Variants in EYS observed in about 807,000 individuals in gnomAD.
The protein encoded by EYS is EGF-like photoreceptor maintenance factor, also known as protein eyes shut homolog.
Under a neutral mutation model 282.1 loss-of-function variants are expected in EYS, and 250 were observed. That is an observed-to-expected ratio of 0.89 (90% confidence interval 0.80 to 0.98). The LOEUF is 0.98. Ranked by LOEUF, EYS falls within the 50% of genes least tolerant of loss-of-function variation. The pLI, the probability that EYS is intolerant of heterozygous loss-of-function variation, is 0.00. For synonymous variants in EYS, 1,355 were observed against 1,282.9 expected (o/e 1.06, Z -1.20); for missense variants, 4,016 against 3,709.0 (o/e 1.08, Z -2.15).
chr6:63,954,953 C>A (rs1474951850), intron 35 of EYS, among the ~76,000 whole-genome samples: 2 of 152,122 alleles, frequency 1.3e-5, no homozygotes, highest in Non-Finnish European at 1.5e-5. Flanking sequence ...TTCTACTACT[C>A]CTCAGGGATT....
intron 30 of EYS, among the ~76,000 whole-genome samples, chr6:64,241,589 GTATC>G (rs142196768): frequency 0.011 from 1,710 of 151,238 alleles, 31 homozygotes; most frequent in African/African-American, 0.038. Flanking sequence ...ATTTTTTATT[GTATC>G]TATCTATTTT....
chr6:64,747,870 C>A (rs1027385214), intron 22 of EYS, among the ~76,000 whole-genome samples: 1 of 152,156 alleles, frequency 6.6e-6, no homozygotes, highest in Non-Finnish European at 1.5e-5. Context: ...AAAAGGAATA[C>A]ATGATTGGGA....
chr6:64,658,582 C>A (rs1282493275), intron 22 of EYS, among the ~76,000 whole-genome samples: 1 of 152,190 alleles, frequency 6.6e-6, no homozygotes, highest in East Asian at 1.9e-4. Flanking sequence ...AGTCAGGACC[C>A]TCAGCTGGAG....
chr6:65,411,557 A>G (rs1192959316), intron 5 of EYS, among the ~76,000 whole-genome samples: 4 of 111,326 alleles, frequency 3.6e-5, no homozygotes, highest in African/African-American at 1.0e-4. Context: ...GGTAATCACC[A>G]CTATAAAAAT....
chr6:64,439,235 A>T lies in EYS; in HGVS notation c.5762T>A (p.Leu1921Gln). 1 of 1,509,462 alleles carries T rather than the reference A, an allele frequency of 6.6e-7. No homozygotes were observed. Among genetic ancestry groups the T allele is most frequent in the Non-Finnish European group, 8.9e-7 (1 of 1,129,516 alleles). 93.5% of individuals were successfully genotyped at this position (1,509,462 alleles called of 1,614,324 possible). ...TAAATTTGAGTCTTGCTTGACATAC[A>T]GCAGAAGTCCATAGGAGCTGAAGGT... is the stretch of plus-strand genomic sequence containing the variant. ...FQTFSSYGLL[L>Q]YVKQDSNLVD... Residue 1921 changes from leucine (L) to glutamine (Q), a missense_variant, in exon 27 of 43, where the codon CTG (leucine) becomes CAG (glutamine). Physicochemically the swap from Leu to Gln is moderately radical, Grantham distance 113. Coordinates refer to ENST00000503581, the MANE Select transcript of EYS (RefSeq NM_001142800.2).
intron 29 of EYS, among the ~76,000 whole-genome samples, chr6:64,383,653 T>C (rs1231297137): frequency 1.3e-5 from 2 of 152,258 alleles, no homozygotes; most frequent in Admixed American, 6.5e-5. Context: ...AGTGGACCCC[T>C]ATAAATGGCT....
At chr6:64,153,399 C>T (rs190656140) in intron 31 of EYS, among the ~76,000 whole-genome samples, 504 of 152,266 alleles carry the variant, frequency 3.3e-3, no homozygotes, top group Non-Finnish European at 5.4e-3. Context: ...TGGAAGGCCC[C>T]TAGCCCAATT....
chr6:64,843,046 A>C (rs1215460308), intron 19 of EYS, among the ~76,000 whole-genome samples: 1 of 152,102 alleles, frequency 6.6e-6, no homozygotes, highest in Admixed American at 6.6e-5. Flanking sequence ...AGAATGCTAG[A>C]AGGAAAAAAT....
chr6:65,047,170 T>C (rs897853900), intron 13 of EYS, among the ~76,000 whole-genome samples: 3 of 151,802 alleles, frequency 2.0e-5, no homozygotes, highest in African/African-American at 7.3e-5. Flanking sequence ...TAATATACTT[T>C]CCTTGAATTA....
intron 9 of EYS, among the ~76,000 whole-genome samples, chr6:65,345,025 T>C (rs1770341968): frequency 6.6e-6 from 1 of 151,752 alleles, no homozygotes; most frequent in Admixed American, 6.6e-5. Flanking sequence ...GCATCATTTC[T>C]TGGAAAATAG....
chr6:63,775,291 C>T (rs1770037986), intron 40 of EYS, among the ~76,000 whole-genome samples: 1 of 152,182 alleles, frequency 6.6e-6, no homozygotes, highest in African/African-American at 2.4e-5. Flanking sequence ...AAAACAATGC[C>T]TCCCATCTCA....
intron 12 of EYS, among the ~76,000 whole-genome samples, chr6:65,158,940 G>A (rs1764788624): frequency 6.6e-6 from 1 of 150,760 alleles, no homozygotes. Context: ...TCCCAACCAA[G>A]CATGCAACCA....
At chr6:64,452,318 T>G (rs1038442939) in intron 26 of EYS, among the ~76,000 whole-genome samples, 1 of 152,098 alleles carries the variant, frequency 6.6e-6, no homozygotes, top group African/African-American at 2.4e-5. Context: ...GAAGGACCTC[T>G]TCAAGGAGAA....
At chr6:63,882,984 C>G (rs956243712) in intron 35 of EYS, among the ~76,000 whole-genome samples, 3 of 152,110 alleles carry the variant, frequency 2.0e-5, no homozygotes, top group African/African-American at 7.2e-5. Context: ...CAACATGTAA[C>G]TTAACCATAA....
chr6:64,700,064 C>G (rs1394834738), intron 22 of EYS, among the ~76,000 whole-genome samples: 1 of 151,782 alleles, frequency 6.6e-6, no homozygotes, highest in Non-Finnish European at 1.5e-5. Flanking sequence ...TCCAGGGAAC[C>G]AAGGATGGGT....
At position 63,986,743 on chromosome 6, in the gene EYS, CAAA is replaced by C. The variant is rs551201439; in HGVS notation, c.6835-2143_6835-2141del. Among the ~76,000 whole-genome samples, 27 of 151,580 alleles carry C rather than the reference CAAA, an allele frequency of 1.8e-4. No individual in the cohort carries two copies. In the South Asian group the frequency reaches 5.4e-3, roughly 30 times the overall value. ...GCTAAATGATGGGAGCTTATGAACA[CAAA>C]GAAGGAAACAACAGACACTGGGGTC... On this transcript the variant is annotated intron_variant, in intron 34 of 42. Transcript: ENST00000503581.
intron 29 of EYS, among the ~76,000 whole-genome samples, chr6:64,364,506 C>A (rs1267004527): frequency 6.6e-6 from 1 of 151,842 alleles, no homozygotes; most frequent in African/African-American, 2.4e-5. Context: ...AAATGTGGTA[C>A]TCAAAACAGA....
chr6:64,870,818 C>T (rs1766573043), intron 19 of EYS, among the ~76,000 whole-genome samples: 1 of 151,602 alleles, frequency 6.6e-6, no homozygotes, highest in South Asian at 2.1e-4. Context: ...GACTTAAAGG[C>T]ATATTTGAGC....
intron 26 of EYS, among the ~76,000 whole-genome samples, chr6:64,450,262 G>A (rs1170356043): frequency 3.3e-5 from 5 of 151,976 alleles, no homozygotes; most frequent in Admixed American, 2.0e-4. Flanking sequence ...AGACAAAGAA[G>A]GCCATTACAT....
Sources: gnomAD v4.1 joint callset for allele counts (sites outside exome capture counted in the v4.1 genomes callset) on GRCh38, gnomAD v4.1.1 for gene constraint, MANE v1.5 for transcripts, NCBI Gene and HGNC (gene_info 2026-07-23, HGNC 2026-07-21) for gene names.